NOX1: variants seen among roughly 807,000 people sequenced by gnomAD.
NOX1 encodes NADPH oxidase 1.
A neutral mutation model predicts 42.5 loss-of-function variants in NOX1; 34 were observed. The ratio of observed to expected loss-of-function variants is 0.80; its 90% confidence interval spans 0.61 to 1.07. NOX1 has a LOEUF of 1.07. Ranked by LOEUF, NOX1 falls within the 50% of genes least tolerant of loss-of-function variation. The pLI is 0.00. For synonymous variants in NOX1, 143 were observed against 152.5 expected (o/e 0.94, Z 0.46); for missense variants, 408 against 427.0 (o/e 0.96, Z 0.39).
chrX:100,844,818 T>C (rs1023312656), intron 12 of NOX1, among the ~76,000 whole-genome samples: 5 of 112,025 alleles, frequency 4.5e-5, no homozygotes, highest in African/African-American at 1.6e-4. Flanking sequence ...TAGGGTTGTT[T>C]TAAGGATTAA....
At position 100,856,161 on chromosome X, in the gene NOX1, C is replaced by T. The variant is rs1239371053; in HGVS notation, c.805-4836G>A. The T allele has an allele frequency of 3.2e-5, 29 of 912,944 alleles. No individual in the cohort carries two copies. In the East Asian group the frequency reaches 4.9e-4, roughly 16 times the overall value. The allele number at this position is 912,944 out of a possible 1,213,427, so 75.2% of individuals were successfully genotyped here. On this transcript the variant is annotated intron_variant, in intron 7 of 12. Transcript: ENST00000372966. ...TTTCCATCCACCTTGTGTGGCCTTG[C>T]GTTCGTGGCTGCATCCACCTCCTCC...
intron 12 of NOX1, among the ~76,000 whole-genome samples, chrX:100,847,188 C>T (rs1322125099): frequency 2.7e-5 from 3 of 109,802 alleles, no homozygotes; most frequent in Non-Finnish European, 5.7e-5. Flanking sequence ...GACTGTGTCT[C>T]GAGAAAAAAA....
intron 7 of NOX1, among the ~76,000 whole-genome samples, chrX:100,851,772 C>T (rs759017427): frequency 5.4e-5 from 6 of 110,610 alleles, no homozygotes; most frequent in Non-Finnish European, 1.1e-4. Context: ...AAATTAGCTG[C>T]GCGTGGTGGT....
At position 100,863,690 on chromosome X, in the gene NOX1, T is replaced by C. The variant is rs2085221576; in HGVS notation, c.142-95A>G. On this transcript the variant is annotated intron_variant, in intron 2 of 12. Transcript: ENST00000372966. ...AGCCCACTCATCTGAGGCCTGCAAA[T>C]GAACAGGGCTACAGCTGCCTCTCCT... 5 of 1,107,874 alleles carry C rather than the reference T, an allele frequency of 4.5e-6. No individual in the cohort carries two copies. In the East Asian group the frequency reaches 1.7e-4, roughly 37 times the overall value. The allele number at this position is 1,107,874 out of a possible 1,213,427, so 91.3% of individuals were successfully genotyped here. A position where few individuals can be genotyped will look rare whatever the true frequency, so the allele number is the denominator to read the frequency against.
intron 12 of NOX1, among the ~76,000 whole-genome samples, chrX:100,848,237 T>TA (rs912039727): frequency 2.7e-5 from 3 of 111,667 alleles, no homozygotes; most frequent in Non-Finnish European, 5.6e-5. Context: ...GATCTTTTCT[T>TA]AAGAGTGTTC....
intron 7 of NOX1, chrX:100,856,329 T>A: frequency 1.5e-6 from 1 of 645,475 alleles, no homozygotes. Context: ...AAATCTCCAA[T>A]GAAGAGCTTC....
At chrX:100,855,793 C>T in intron 7 of NOX1, 1 of 1,079,263 alleles carries the variant, frequency 9.3e-7, no homozygotes, top group Non-Finnish European at 1.3e-6. Context: ...CCTCCACGAC[C>T]ACTTCGACCT....
At position 100,850,061 on chromosome X, in the gene NOX1, G is replaced by T. The variant is rs34220544; in HGVS notation, c.1133+90C>A. ...ATATTTATTATAATCCTATTCTATT[G>T]TACCAAACTTAAGATTCAACGAAGA... On this transcript the variant is annotated intron_variant, in intron 9 of 12. Coordinates refer to ENST00000372966, the MANE Select transcript of NOX1 (RefSeq NM_007052.5). 461 of 986,871 alleles carry T rather than the reference G, an allele frequency of 4.7e-4. No homozygotes were observed. In the African/African-American group the frequency reaches 8.1e-3, roughly 17 times the overall value. The allele number at this position is 986,871 out of a possible 1,213,427, so 81.3% of individuals were successfully genotyped here.
chrX:100,872,171 C>G (rs922132298), intron 1 of NOX1, among the ~76,000 whole-genome samples: 1 of 112,092 alleles, frequency 8.9e-6, no homozygotes, highest in Non-Finnish European at 1.9e-5. Context: ...CTCAGTTACC[C>G]TTTTCCAGAG....
At chrX:100,844,974 A>T (rs2085062612) in intron 12 of NOX1, among the ~76,000 whole-genome samples, 1 of 111,527 alleles carries the variant, frequency 9.0e-6, no homozygotes, top group South Asian at 3.8e-4. Context: ...TGCCAAAGCT[A>T]ATCTTTCCAA....
intron 1 of NOX1, among the ~76,000 whole-genome samples, chrX:100,872,034 G>A (rs958447252): frequency 6.3e-5 from 7 of 111,849 alleles, no homozygotes; most frequent in African/African-American, 2.0e-4. Flanking sequence ...TGAGGCTTAC[G>A]TCAGATAATG....
At position 100,862,239 on chromosome X, in the gene NOX1, ACT is replaced by A; in HGVS notation, c.734_735del (p.Glu245ValfsTer3). 8.3e-7 allele frequency: 1 copy of A among 1,210,063 alleles called. No individual in the cohort carries two copies. Among genetic ancestry groups the A allele is most frequent in the Non-Finnish European group, 1.1e-6 (1 of 894,748 alleles). On this transcript the variant is annotated frameshift_variant, in exon 7 of 13. Coordinates refer to ENST00000372966, the MANE Select transcript of NOX1 (RefSeq NM_007052.5). LOFTEE classifies it high-confidence loss of function. ...MNESHPRKCA[E>X]SFEMWDDRDS... is the part of the protein sequence containing the mutation. ...TCACGATCATCCCACATCTCAAAAG[ACT>A]CTGCACACTTGCGAGGATGACTCTC... is the stretch of plus-strand genomic sequence containing the variant.
At position 100,849,882 on chromosome X, in the gene NOX1, C is replaced by A; in HGVS notation, c.1186G>T (p.Glu396Ter). ...CCTGCTCCAACCAGCACAGCCACTTCATACTGGAAAACATCCTCACTGGCT... is the reference window on the plus strand; with the variant it reads ...CCTGCTCCAACCAGCACAGCCACTTAATACTGGAAAACATCCTCACTGGCT... ...GTASEDVFQY[E>*]VAVLVGAGIG... is the part of the protein sequence containing the mutation. Residue 396 changes from glutamate to a stop codon, truncating the protein, a stop_gained, in exon 10 of 13, where the codon GAA becomes TAA. Coordinates refer to ENST00000372966, the MANE Select transcript of NOX1 (RefSeq NM_007052.5). LOFTEE classifies it high-confidence loss of function. 8.3e-7 allele frequency: 1 copy of A among 1,210,502 alleles called. No homozygotes were observed. Among genetic ancestry groups the A allele is most frequent in the Non-Finnish European group, 1.1e-6 (1 of 894,887 alleles).
chrX:100,857,140 T>C lies in NOX1; in HGVS notation c.804+5031A>G, dbSNP rs776096618. On this transcript the variant is annotated intron_variant, in intron 7 of 12. Transcript: ENST00000372966. ...AATGAGAACATGTGATATTTGGTTT[T>C]CTGTTTCTACATTAGTTTGCTTAGG... Among the ~76,000 whole-genome samples the C allele has an allele frequency of 2.7e-5, 3 of 112,303 alleles. No homozygotes were observed. In the South Asian group the frequency reaches 1.1e-3, roughly 42 times the overall value.
At position 100,863,228 on chromosome X, in the gene NOX1, G is replaced by A. The variant is rs757233023; in HGVS notation, c.268C>T (p.Leu90=). ...AGGTTGTGATCCAATTGCTTTCTCA[G>A]TGTGCGGCTGCAAAACTACAAATGT... ...RGTCSFCSRT[L]RKQLDHNLTF... is the part of the protein sequence containing the mutation. The change falls in exon 4 of 13, where the codon CTG becomes TTG. Residue 90 remains leucine, a synonymous_variant. Transcript: ENST00000372966. The A allele has an allele frequency of 1.3e-4, 160 of 1,201,108 alleles. 1 individual carries two copies. The South Asian group carries it at 2.7e-3, about 20-fold the overall frequency.
chrX:100,871,608 A>G (rs780851926), intron 1 of NOX1, among the ~76,000 whole-genome samples: 1 of 111,894 alleles, frequency 8.9e-6, no homozygotes, highest in South Asian at 3.8e-4. Flanking sequence ...TGCCTGTTCC[A>G]AGTTCTGTCT....
At chrX:100,864,297 A>T (rs151297984) in intron 2 of NOX1, among the ~76,000 whole-genome samples, 3,093 of 112,447 alleles carry the variant, frequency 0.028, 112 homozygotes, top group African/African-American at 0.096. Flanking sequence ...GCCAAGGATC[A>T]TATATACCTT....
chrX:100,848,744 G>A lies in NOX1; in HGVS notation c.1454C>T (p.Ala485Val), dbSNP rs772303480. ...AGTGGCCTTGTCAAAGTTTAATGCT[G>A]CATGACCAACCTGGATTCAGAGGAA... is the stretch of plus-strand genomic sequence containing the variant. ...TGWDSNIVGHAALNFDKATDI... is the reference protein window; with the variant it reads ...TGWDSNIVGHVALNFDKATDI... The change falls in exon 12 of 13, where the codon GCA becomes GTA. Residue 485 changes from alanine to valine, a missense_variant. Physicochemically the swap from Ala to Val is moderately conservative, Grantham distance 64 (BLOSUM62 0). Transcript: ENST00000372966. 1 of 1,210,642 alleles carries A rather than the reference G, an allele frequency of 8.3e-7. No homozygotes were observed. The highest frequency in any genetic ancestry group is 1.1e-6 in the Non-Finnish European group (1 of 894,616).
rs915168282 is a variant in NOX1, at chrX:100,855,931, T to C, written c.805-4606A>G. The C allele has an allele frequency of 2.6e-6, 3 of 1,168,254 alleles. No individual in the cohort carries two copies. The African/African-American group carries it at 5.3e-5, about 21-fold the overall frequency. Reference sequence around the variant, plus strand: ...TCCACGGAGTCATGGTCGTCAAAAGTTACAAAGGCAAAGCCCCTTTTCTTG... The same window carrying C: ...TCCACGGAGTCATGGTCGTCAAAAGCTACAAAGGCAAAGCCCCTTTTCTTG... On this transcript the variant is annotated intron_variant, in intron 7 of 12. Transcript: ENST00000372966.
Sources: gnomAD v4.1 joint callset for allele counts (sites outside exome capture counted in the v4.1 genomes callset) on GRCh38, gnomAD v4.1.1 for gene constraint, MANE v1.5 for transcripts, NCBI Gene and HGNC (gene_info 2026-07-23, HGNC 2026-07-21) for gene names.